The following NAA35 variants were observed in gnomAD, a reference collection of about 807,000 sequenced individuals.
The protein encoded by NAA35 is MAK10 homolog, amino-acid N-acetyltransferase subunit.
NAA35 carries 18 observed loss-of-function variants against 101.7 expected under a neutral mutation model. The ratio of observed to expected loss-of-function variants is 0.18; its 90% CI spans 0.12 to 0.26. The LOEUF (loss-of-function observed/expected upper bound fraction) is 0.26, where lower values mean the gene tolerates loss of function less well. Ranked by LOEUF, NAA35 falls within the 10% of genes least tolerant of loss-of-function variation. The pLI, the probability that NAA35 is intolerant of heterozygous loss-of-function variation, is 1.00. For missense variants in NAA35, 601 were observed against 886.8 expected, an observed-to-expected ratio of 0.68 and a Z score of 4.09; for synonymous variants, 267 against 273.1, an observed-to-expected ratio of 0.98 and a Z score of 0.22.
chr9:85,951,901 C>T lies in NAA35; in HGVS notation c.125-4459C>T, dbSNP rs1829034360. Among the ~76,000 whole-genome samples the T allele has an allele frequency of 2.6e-5, 4 of 152,200 alleles. No homozygotes were observed. In the South Asian group the frequency reaches 8.3e-4, roughly 32 times the overall value. On this transcript the variant is annotated intron_variant, in intron 2 of 22. Transcript: ENST00000361671. ...TCTGGAACTCCTGACCTCAAGTGAT[C>T]TGCCTGCCTTGGCCGCCTCCCAAAA... is the stretch of plus-strand genomic sequence containing the variant.
chr9:85,951,528 A>G (rs1587556885), intron 2 of NAA35, among the ~76,000 whole-genome samples: 1 of 152,242 alleles, frequency 6.6e-6, no homozygotes, highest in Non-Finnish European at 1.5e-5. Context: ...GCTCTGTTAC[A>G]TTAAAATTCA....
At position 86,022,435 on chromosome 9, in the gene NAA35, G is replaced by A. The variant is rs1266064905; in HGVS notation, c.*475G>A. 1 of 152,548 alleles carries A rather than the reference G, an allele frequency of 6.6e-6. No individual in the cohort carries two copies. The highest frequency in any genetic ancestry group is 1.5e-5 in the Non-Finnish European group (1 of 68,130). The allele number at this position is 152,548 out of a possible 1,614,324, so 9.4% of individuals were successfully genotyped here. On this transcript the variant is annotated 3_prime_UTR_variant, in exon 23 of 23. Transcript: ENST00000361671. ...AAATCAAGGGATTAATTAAACACTT[G>A]TATGAGATTTTGGTAAAATACATTT...
At chr9:86,001,396 A>G (rs569094196) in intron 12 of NAA35, among the ~76,000 whole-genome samples, 2 of 152,024 alleles carry the variant, frequency 1.3e-5, no homozygotes, top group Non-Finnish European at 2.9e-5. Context: ...AGGTCTATCA[A>G]ATCCATTTGG....
intron 5 of NAA35, among the ~76,000 whole-genome samples, chr9:85,961,099 G>A (rs1331382316): frequency 6.6e-6 from 1 of 152,122 alleles, no homozygotes; most frequent in Non-Finnish European, 1.5e-5. Context: ...TGAGACTCTT[G>A]GGACTGTATT....
At chr9:86,009,811 T>C in intron 14 of NAA35, 54 bp from the exon 15 acceptor site, 1 of 1,364,544 alleles carries the variant, frequency 7.3e-7, no homozygotes, top group Non-Finnish European at 1.0e-6. Flanking sequence ...CAGTAATTGC[T>C]GCTGCTTTTG....
chr9:85,965,405 A>G (rs1284989332), intron 6 of NAA35, among the ~76,000 whole-genome samples: 2 of 152,160 alleles, frequency 1.3e-5, no homozygotes, highest in African/African-American at 2.4e-5. Context: ...AAGTGGGCGG[A>G]TGGCTTGAGC....
At chr9:85,957,186 T>A (rs1485765183) in intron 3 of NAA35, among the ~76,000 whole-genome samples, 1 of 152,192 alleles carries the variant, frequency 6.6e-6, no homozygotes, top group African/African-American at 2.4e-5. Flanking sequence ...GATTAACACA[T>A]ATTTTGTATG....
chr9:85,994,553 G>A (rs910058815), intron 11 of NAA35, among the ~76,000 whole-genome samples: 1 of 152,146 alleles, frequency 6.6e-6, no homozygotes, highest in Non-Finnish European at 1.5e-5. Context: ...GCCAAAACTC[G>A]TTATTTTAAT....
At chr9:85,952,207 A>G (rs1300782479) in intron 2 of NAA35, among the ~76,000 whole-genome samples, 1 of 151,622 alleles carries the variant, frequency 6.6e-6, no homozygotes, top group Non-Finnish European at 1.5e-5. Flanking sequence ...TCAAGTCTGA[A>G]TAACCATAGT....
chr9:85,999,579 C>A (rs1831328734), intron 12 of NAA35, among the ~76,000 whole-genome samples: 1 of 152,172 alleles, frequency 6.6e-6, no homozygotes, highest in South Asian at 2.1e-4. Context: ...TCTGAGGAAA[C>A]CATGGCCCAT....
chr9:85,972,548 G>C (rs753985897), intron 6 of NAA35, among the ~76,000 whole-genome samples: 6 of 147,346 alleles, frequency 4.1e-5, no homozygotes, highest in Admixed American at 1.4e-4. Flanking sequence ...GGGGGGTGGA[G>C]ATTTTATGTT....
chr9:86,018,234 C>T (rs1382635204), intron 19 of NAA35, 21 bp from the exon 20 acceptor site: 2 of 1,590,298 alleles, frequency 1.3e-6, no homozygotes, highest in Non-Finnish European at 1.7e-6. Flanking sequence ...CATCTTTTTT[C>T]TTATTCCCTT....
Position 85,958,602 on chromosome 9 carries a change from C to G in NAA35, c.273+16C>G, listed in dbSNP as rs762134200. 6 of 1,526,734 alleles carry G rather than the reference C, an allele frequency of 3.9e-6. No homozygotes were observed. The East Asian group carries it at 1.1e-4, about 29-fold the overall frequency. The allele number at this position is 1,526,734 out of a possible 1,614,324, so 94.6% of individuals were successfully genotyped here. The stretch of plus-strand genomic sequence containing the variant: ...AGCTATCAAGGTAGTTACCATTGTA[C>G]TTTTTGTGTTTCCATTTATCTTTTG... On this transcript the variant is annotated intron_variant, in intron 4 of 22. Coordinates refer to ENST00000361671, the MANE Select transcript of NAA35 (RefSeq NM_024635.4).
rs1016179448 is a variant in NAA35 at position 85,977,570 on chromosome 9, T to G, written c.762+124T>G. The G allele has an allele frequency of 6.1e-6, 4 of 657,310 alleles. No individual in the cohort carries two copies. In the Admixed American group the frequency reaches 7.9e-5, roughly 13 times the overall value. 40.7% of individuals were successfully genotyped at this position (657,310 alleles called of 1,614,324 possible). On this transcript the variant is annotated intron_variant, in intron 10 of 22. Coordinates refer to ENST00000361671, the MANE Select transcript of NAA35 (RefSeq NM_024635.4). Reference sequence around the variant, plus strand: ...ATCCCAGATATACAGAACTCAGCATTTGGTATATTTATACCAGTGTAACAC... The same window carrying G: ...ATCCCAGATATACAGAACTCAGCATGTGGTATATTTATACCAGTGTAACAC...
intron 17 of NAA35, among the ~76,000 whole-genome samples, chr9:86,015,329 A>G (rs1832155031): frequency 6.6e-6 from 1 of 152,082 alleles, no homozygotes; most frequent in Non-Finnish European, 1.5e-5. Context: ...TCTTTTCATA[A>G]TTGGTTTTGA....
chr9:85,975,177 G>A lies in NAA35; in HGVS notation c.627+20G>A. ...GTAAAGGTATATATGTTTTCTGTTT[G>A]GTGTGGGGTTTTGGTACACTTCTAA... On this transcript the variant is annotated intron_variant, in intron 8 of 22. Transcript: ENST00000361671. The A allele has an allele frequency of 6.2e-7, 1 of 1,609,944 alleles. No individual in the cohort carries two copies. The highest frequency in any genetic ancestry group is 8.5e-7 in the Non-Finnish European group (1 of 1,178,508).
chr9:85,971,975 A>G (rs1409529007), intron 6 of NAA35, among the ~76,000 whole-genome samples: 1 of 152,088 alleles, frequency 6.6e-6, no homozygotes, highest in Non-Finnish European at 1.5e-5. Flanking sequence ...TCTGTCCTCA[A>G]GTCCACAAAT....
chr9:85,952,133 G>T (rs952621809), intron 2 of NAA35, among the ~76,000 whole-genome samples: 31 of 151,968 alleles, frequency 2.0e-4, no homozygotes, highest in African/African-American at 6.8e-4. Context: ...TTTATTATTG[G>T]CAACAGACGT....
rs1449808072 is a variant in NAA35, at chr9:86,017,603, C to T, written c.1773+38C>T. The T allele has an allele frequency of 4.0e-6, 6 of 1,499,284 alleles. No individual in the cohort carries two copies. In the Admixed American group the frequency reaches 1.0e-4, roughly 26 times the overall value. The allele number at this position is 1,499,284 out of a possible 1,614,324, so 92.9% of individuals were successfully genotyped here. On this transcript the variant is annotated intron_variant, in intron 19 of 22. Transcript: ENST00000361671. ...AAGTGAAGTTCTTTTTGCCTTTTAG[C>T]TATATCCCTATTATATAGTTTATTT... is the stretch of plus-strand genomic sequence containing the variant.
Sources: gnomAD v4.1 joint callset for allele counts (sites outside exome capture counted in the v4.1 genomes callset) on GRCh38, gnomAD v4.1.1 for gene constraint, MANE v1.5 for transcripts, NCBI Gene and HGNC (gene_info 2026-07-23, HGNC 2026-07-21) for gene names.